Variants in CDKL5 observed in about 807,000 individuals in gnomAD.
CDKL5 encodes cyclin dependent kinase like 5, also known as cyclin-dependent kinase-like 5.
Under a neutral mutation model 61.7 loss-of-function variants are expected in CDKL5, and 8 were observed. The ratio of observed to expected loss-of-function variants is 0.13; its 90% CI spans 0.08 to 0.23. The LOEUF is 0.23. CDKL5 is among the 10% of genes least tolerant of loss of function. CDKL5 has a pLI of 1.00. For synonymous variants in CDKL5, 275 were observed against 272.3 expected (o/e 1.01, Z -0.10); for missense variants, 440 against 734.5 (o/e 0.60, Z 4.63).
rs1406424088 is a variant in CDKL5 at position 18,633,198 on chromosome X, C to T, written c.*4441C>T. 6.5e-5 allele frequency: 49 copies of T among 752,645 alleles called. No homozygotes were observed. The highest frequency in any genetic ancestry group is 8.8e-5 in the Admixed American group (1 of 11,378). The allele number at this position is 752,645 out of a possible 1,213,427, so 62.0% of individuals were successfully genotyped here. A position where few individuals can be genotyped will look rare whatever the true frequency, so the allele number is the denominator to read the frequency against. On this transcript the variant is annotated 3_prime_UTR_variant, in exon 18 of 18. Coordinates refer to ENST00000623535, the MANE Select transcript of CDKL5 (RefSeq NM_001323289.2). Reference sequence around the variant, plus strand: ...GATATTGAGATGTGGGTTCTAAGATCCACAGACTCATACTTTTGTGAACTT... The same window carrying T: ...GATATTGAGATGTGGGTTCTAAGATTCACAGACTCATACTTTTGTGAACTT...
chrX:18,586,025 T>C (rs1925633233), intron 8 of CDKL5, among the ~76,000 whole-genome samples: 1 of 111,797 alleles, frequency 8.9e-6, no homozygotes, highest in Admixed American at 9.5e-5. Context: ...CTAGTAGTAA[T>C]TCTTGATTCA....
chrX:18,568,197 C>A (rs758538651), intron 4 of CDKL5, among the ~76,000 whole-genome samples: 1 of 111,837 alleles, frequency 8.9e-6, no homozygotes, highest in African/African-American at 3.3e-5. Context: ...ACTGATATCA[C>A]GGAATATTTT....
In CDKL5 at chrX:18,484,332, G is replaced by T. The variant is rs540171528; in HGVS notation, c.-162-22603G>T. Among the ~76,000 whole-genome samples the T allele has an allele frequency of 2.2e-4, 24 of 109,781 alleles. No individual in the cohort carries two copies. In the South Asian group the frequency reaches 9.2e-3, roughly 42 times the overall value. On this transcript the variant is annotated intron_variant, in intron 1 of 17. Transcript: ENST00000623535. ...GCATAATCAATTCTTTTTTTTTGGG[G>T]GGGGGACAGTCTCGCCCTGTCGCCC...
At chrX:18,436,268 G>A (rs1469624925) in intron 1 of CDKL5, among the ~76,000 whole-genome samples, 1 of 110,802 alleles carries the variant, frequency 9.0e-6, no homozygotes. Context: ...GTCTCAGCAG[G>A]GGCAGAGGTG....
At chrX:18,644,993 C>G (rs1389046370), downstream of CDKL5, among the ~76,000 whole-genome samples, 2 of 112,092 alleles carry the variant, frequency 1.8e-5, no homozygotes, top group African/African-American at 6.5e-5. Context: ...GCTTGAGACT[C>G]CCAGGGTGAA....
intron 15 of CDKL5, among the ~76,000 whole-genome samples, chrX:18,618,486 G>A (rs899264812): frequency 9.0e-6 from 1 of 111,379 alleles, no homozygotes; most frequent in Non-Finnish European, 1.9e-5. Flanking sequence ...CTTACCAATG[G>A]CAAGTGACTG....
chrX:18,436,206 A>G (rs749626202), intron 1 of CDKL5, among the ~76,000 whole-genome samples: 3 of 111,430 alleles, frequency 2.7e-5, no homozygotes. Flanking sequence ...AAATGTGCTC[A>G]TCGTCTTCAC....
chrX:18,572,468 A>T (rs1925165688), intron 4 of CDKL5, among the ~76,000 whole-genome samples: 1 of 112,285 alleles, frequency 8.9e-6, no homozygotes, highest in South Asian at 3.7e-4. Flanking sequence ...ATTTGTGTGC[A>T]TGTACTTGTG....
Position 18,631,069 on chromosome X carries a change from G to A in CDKL5, c.*2312G>A, listed in dbSNP as rs191743320. 4.9e-4 allele frequency: 364 copies of A among 749,433 alleles called. 1 individual carries two copies. In the Admixed American group the frequency reaches 0.03, roughly 61 times the overall value. The allele number at this position is 749,433 out of a possible 1,213,427, so 61.8% of individuals were successfully genotyped here. A position where few individuals can be genotyped will look rare whatever the true frequency, so the allele number is the denominator to read the frequency against. On this transcript the variant is annotated 3_prime_UTR_variant, in exon 18 of 18. Transcript: ENST00000623535. ...GTCCCGTTGCCATGCTGTGGCATTC[G>A]AGGCTCGTCACCTAGGGGCTGGTTT...
intron 1 of CDKL5, among the ~76,000 whole-genome samples, chrX:18,476,577 A>T (rs1365981314): frequency 9.0e-6 from 1 of 111,728 alleles, no homozygotes; most frequent in Admixed American, 9.5e-5. Context: ...GGTTATTGAT[A>T]GTGATTATTA....
chrX:18,631,618 C>T lies in CDKL5; in HGVS notation c.*2861C>T. ...CATGACATCCATGTCCTATTATCGG[C>T]CGTAACTTCCTAAAGAAGAAAAAGG... On this transcript the variant is annotated 3_prime_UTR_variant, in exon 18 of 18. Transcript: ENST00000623535. 5.3e-6 allele frequency: 4 copies of T among 754,228 alleles called. No individual in the cohort carries two copies. Among genetic ancestry groups the T allele is most frequent in the Non-Finnish European group, 6.3e-6 (4 of 639,257 alleles). The allele number at this position is 754,228 out of a possible 1,213,427, so 62.2% of individuals were successfully genotyped here. A position where few individuals can be genotyped will look rare whatever the true frequency, so the allele number is the denominator to read the frequency against.
chrX:18,582,036 A>G, intron 7 of CDKL5, 86 bp downstream of exon 7: 1 of 710,674 alleles, frequency 1.4e-6, no homozygotes, highest in Non-Finnish European at 2.2e-6. Context: ...TATTAAAAGT[A>G]ATTGTTATGT....
At chrX:18,627,622 G>A (rs1168902022) in intron 17 of CDKL5, 1 of 111,266 alleles carries the variant, frequency 9.0e-6, no homozygotes, top group Non-Finnish European at 1.9e-5. Flanking sequence ...ACCTGGGGAT[G>A]TCTAGCTGCA....
intron 4 of CDKL5, among the ~76,000 whole-genome samples, chrX:18,570,660 T>C (rs745418773): frequency 8.9e-6 from 1 of 111,971 alleles, no homozygotes; most frequent in African/African-American, 3.2e-5. Context: ...CAAAGTAGGT[T>C]ACAGCTATTC....
chrX:18,586,364 T>C (rs1200772824), intron 8 of CDKL5, among the ~76,000 whole-genome samples: 2 of 111,550 alleles, frequency 1.8e-5, no homozygotes, highest in East Asian at 5.6e-4. Flanking sequence ...TAGAACCCCA[T>C]CTGAGGACTC....
chrX:18,652,388 G>T (rs1001030019), intron 21 of CDKL5, among the ~76,000 whole-genome samples: 2 of 112,533 alleles, frequency 1.8e-5, no homozygotes, highest in South Asian at 7.3e-4. Flanking sequence ...GGGATCCAAG[G>T]CTGGGTGCAG....
chrX:18,624,116 C>T (rs1053411856), intron 16 of CDKL5: 2 of 255,264 alleles, frequency 7.8e-6, no homozygotes, highest in Admixed American at 9.4e-5. Context: ...TAGTTAAGTA[C>T]GTGAGCCAGT....
At position 18,503,811 on chromosome X, in the gene CDKL5, G is replaced by A. The variant is rs758808829; in HGVS notation, c.-162-3124G>A. 2.6e-3 allele frequency among the ~76,000 whole-genome samples: 285 copies of A among 111,035 alleles called. 1 individual carries two copies. Among genetic ancestry groups the A allele is most frequent in the Admixed American group, 5.0e-3 (53 of 10,499 alleles). ...GGCTGGAGTGCAGTGGTGCGATCAC[G>A]GCTCACCGCAGCTTCGCCCTCCTGG... On this transcript the variant is annotated intron_variant, in intron 1 of 17. Coordinates refer to ENST00000623535, the MANE Select transcript of CDKL5 (RefSeq NM_001323289.2).
chrX:18,616,878 C>T (rs1023777309), intron 15 of CDKL5, among the ~76,000 whole-genome samples: 1 of 110,851 alleles, frequency 9.0e-6, no homozygotes, highest in African/African-American at 3.3e-5. Context: ...TGCTCCTCAC[C>T]ACTTCAGCTC....
Sources: gnomAD v4.1 joint callset for allele counts (sites outside exome capture counted in the v4.1 genomes callset) on GRCh38, gnomAD v4.1.1 for gene constraint, MANE v1.5 for transcripts, NCBI Gene and HGNC (gene_info 2026-07-23, HGNC 2026-07-21) for gene names.